CAMK1D: variants seen among roughly 807,000 people sequenced by gnomAD.
CAMK1D encodes calcium/calmodulin dependent protein kinase ID.
Under a neutral mutation model 47.7 loss-of-function variants are expected in CAMK1D, and 9 were observed. The ratio of observed to expected loss-of-function variants is 0.19; its 90% CI spans 0.11 to 0.33. The LOEUF is 0.33. CAMK1D is among the 10% of genes least tolerant of loss of function. CAMK1D has a pLI of 1.00. For synonymous variants in CAMK1D, 184 were observed against 184.9 expected, an observed-to-expected ratio of 0.99 and a Z score of 0.04; for missense variants, 291 against 488.7, an observed-to-expected ratio of 0.60 and a Z score of 3.81.
At chr10:12,485,786 G>A (rs934640657) in intron 1 of CAMK1D, among the ~76,000 whole-genome samples, 7 of 152,336 alleles carry the variant, frequency 4.6e-5, no homozygotes, top group South Asian at 4.1e-4. Context: ...ATGCCAAGAT[G>A]TCATATTATT....
At chr10:12,408,815 T>C (rs1046617130) in intron 1 of CAMK1D, among the ~76,000 whole-genome samples, 12 of 151,972 alleles carry the variant, frequency 7.9e-5, no homozygotes, top group African/African-American at 2.9e-4. Flanking sequence ...CTTTTTCCTC[T>C]TTTATGGTTT....
intron 3 of CAMK1D, among the ~76,000 whole-genome samples, chr10:12,689,724 C>A (rs1481606715): frequency 6.6e-6 from 1 of 151,002 alleles, no homozygotes; most frequent in Admixed American, 6.6e-5. Context: ...TGCGTTGAGC[C>A]GAGATCATAC....
At chr10:12,444,416 TC>T (rs1832872361) in intron 1 of CAMK1D, among the ~76,000 whole-genome samples, 1 of 152,134 alleles carries the variant, frequency 6.6e-6, no homozygotes, top group Non-Finnish European at 1.5e-5. Context: ...AGAGTCAAAC[TC>T]TGTAAAATAT....
chr10:12,558,512 C>A (rs1413475429), intron 2 of CAMK1D, among the ~76,000 whole-genome samples: 1 of 151,766 alleles, frequency 6.6e-6, no homozygotes, highest in Admixed American at 6.6e-5. Context: ...CGAGATCGTG[C>A]CGTTGCACTC....
chr10:12,402,845 A>G (rs1037880918), intron 1 of CAMK1D, among the ~76,000 whole-genome samples: 1 of 151,988 alleles, frequency 6.6e-6, no homozygotes, highest in Non-Finnish European at 1.5e-5. Flanking sequence ...GGTGCCTTCT[A>G]CTGAGGATAT....
At chr10:12,660,772 C>T (rs1840252347) in intron 2 of CAMK1D, among the ~76,000 whole-genome samples, 1 of 152,134 alleles carries the variant, frequency 6.6e-6, no homozygotes, top group Admixed American at 6.6e-5. Flanking sequence ...AGTTGAGTTT[C>T]TTTTTATCAC....
intron 2 of CAMK1D, among the ~76,000 whole-genome samples, chr10:12,613,356 G>T (rs1838688165): frequency 6.6e-6 from 1 of 152,168 alleles, no homozygotes; most frequent in Admixed American, 6.5e-5. Flanking sequence ...ACACGAGACT[G>T]TGACAAGCCA....
At chr10:12,774,775 G>A (rs975087843) in intron 5 of CAMK1D, among the ~76,000 whole-genome samples, 19 of 152,362 alleles carry the variant, frequency 1.2e-4, no homozygotes, top group Non-Finnish European at 1.8e-4. Flanking sequence ...CTTGAACCCC[G>A]TTGTGATCTG....
At chr10:12,807,414 C>T (rs1232315267) in intron 6 of CAMK1D, among the ~76,000 whole-genome samples, 1 of 151,648 alleles carries the variant, frequency 6.6e-6, no homozygotes, top group Non-Finnish European at 1.5e-5. Context: ...ATGCTCTGCC[C>T]TCTTCCCTGC....
chr10:12,498,326 C>T (rs2132134574), intron 1 of CAMK1D, among the ~76,000 whole-genome samples: 1 of 152,182 alleles, frequency 6.6e-6, no homozygotes, highest in East Asian at 1.9e-4. Flanking sequence ...AGGGCCTGAG[C>T]CAGATGGAAA....
chr10:12,723,159 A>G (rs1014342609), intron 3 of CAMK1D, among the ~76,000 whole-genome samples: 1 of 152,088 alleles, frequency 6.6e-6, no homozygotes, highest in Admixed American at 6.5e-5. Context: ...AAGCAATCTC[A>G]TTGAGTCACA....
chr10:12,569,671 A>T (rs1257237942), intron 2 of CAMK1D, among the ~76,000 whole-genome samples: 1 of 132,082 alleles, frequency 7.6e-6, no homozygotes, highest in Admixed American at 8.5e-5. Flanking sequence ...GTGAGCCGAG[A>T]TCGTGCCACT....
rs554636432 is a variant in CAMK1D, at chr10:12,388,282, C to G, written c.92+38372C>G. Among the ~76,000 whole-genome samples, 8 of 152,264 alleles carry G rather than the reference C, an allele frequency of 5.3e-5. No homozygotes were observed. In the East Asian group the frequency reaches 1.5e-3, roughly 29 times the overall value. ...CCTCAGGTGATCCGCTGGCCTTGACCTCCCAAAGTGCTGAGATTACACGTG... is the reference window on the plus strand; with the variant it reads ...CCTCAGGTGATCCGCTGGCCTTGACGTCCCAAAGTGCTGAGATTACACGTG... On this transcript the variant is annotated intron_variant, in intron 1 of 10. Coordinates refer to ENST00000619168, the MANE Select transcript of CAMK1D (RefSeq NM_153498.4).
chr10:12,780,456 A>C (rs979494091), intron 5 of CAMK1D, among the ~76,000 whole-genome samples: 1 of 152,184 alleles, frequency 6.6e-6, no homozygotes, highest in Non-Finnish European at 1.5e-5. Context: ...GTGAGTTGGC[A>C]TCCTTTAAGT....
intron 2 of CAMK1D, among the ~76,000 whole-genome samples, chr10:12,581,603 A>G (rs977491356): frequency 1.3e-5 from 2 of 152,154 alleles, no homozygotes; most frequent in Non-Finnish European, 2.9e-5. Flanking sequence ...AAGTGGTATC[A>G]CACTGTGGTT....
At chr10:12,431,141 C>T (rs1220025315) in intron 1 of CAMK1D, among the ~76,000 whole-genome samples, 2 of 152,142 alleles carry the variant, frequency 1.3e-5, no homozygotes, top group Non-Finnish European at 2.9e-5. Context: ...AAAAATTATG[C>T]TTTCTCCACC....
At chr10:12,763,574 A>G (rs1403852250) in intron 4 of CAMK1D, among the ~76,000 whole-genome samples, 2 of 152,210 alleles carry the variant, frequency 1.3e-5, no homozygotes, top group South Asian at 2.1e-4. Flanking sequence ...GATTTAGAGC[A>G]GCATCCTTGG....
chr10:12,647,668 G>A (rs866635502), intron 2 of CAMK1D, among the ~76,000 whole-genome samples: 1 of 152,138 alleles, frequency 6.6e-6, no homozygotes, highest in Admixed American at 6.6e-5. Context: ...AGGAACCCCT[G>A]CTTTAGGAGA....
chr10:12,371,187 C>CCACTCACT (rs370568920), intron 1 of CAMK1D, among the ~76,000 whole-genome samples: 5,068 of 151,970 alleles, frequency 0.033, 145 homozygotes, highest in Admixed American at 0.054. Flanking sequence ...CATTCACTCA[C>CCACTCACT]CACTCACTCA....
Sources: allele counts gnomAD v4.1 joint callset (sites outside exome capture counted in the v4.1 genomes callset), GRCh38; gene constraint gnomAD v4.1.1; transcripts MANE v1.5; gene names NCBI Gene and HGNC (gene_info 2026-07-23, HGNC 2026-07-21).